The following FNDC3B variants were observed in gnomAD, a reference collection of about 807,000 sequenced individuals.
The protein encoded by FNDC3B is fibronectin type III domain-containing protein 3B.
In FNDC3B, 12 loss-of-function variants were observed where a neutral mutation model predicts 151.5. That is an observed-to-expected ratio of 0.08 (90% CI 0.05 to 0.13). The LOEUF (loss-of-function observed/expected upper bound fraction) is 0.13, where lower values mean the gene tolerates loss of function less well. Ranked by LOEUF, FNDC3B falls within the 10% of genes least tolerant of loss-of-function variation. The pLI is 1.00. For missense variants in FNDC3B, 1,214 were observed against 1,505.3 expected, an observed-to-expected ratio of 0.81 and a Z score of 3.20; for synonymous variants, 528 against 549.0, an observed-to-expected ratio of 0.96 and a Z score of 0.54.
chr3:172,146,649 T>A (rs1576907462), intron 3 of FNDC3B, among the ~76,000 whole-genome samples: 1 of 152,240 alleles, frequency 6.6e-6, no homozygotes, highest in African/African-American at 2.4e-5. Context: ...GTACAGGCTG[T>A]GTACCTGTGG....
chr3:172,176,688 T>C (rs1434870278), intron 3 of FNDC3B, among the ~76,000 whole-genome samples: 1 of 152,202 alleles, frequency 6.6e-6, no homozygotes, highest in Non-Finnish European at 1.5e-5. Flanking sequence ...CATCTGAAAC[T>C]GTAGCTTAGT....
chr3:172,389,960 T>C (rs1380800715), intron 25 of FNDC3B, among the ~76,000 whole-genome samples: 1 of 152,240 alleles, frequency 6.6e-6, no homozygotes, highest in African/African-American at 2.4e-5. Context: ...TACCAAACTG[T>C]CTCTTGCCCC....
chr3:172,259,604 AT>A (rs1262954530), intron 6 of FNDC3B, among the ~76,000 whole-genome samples: 4 of 152,082 alleles, frequency 2.6e-5, no homozygotes, highest in Admixed American at 2.0e-4. Flanking sequence ...CTTTATGATG[AT>A]TTTTTTCCCT....
chr3:172,117,535 C>A (rs1720323402), intron 2 of FNDC3B, among the ~76,000 whole-genome samples: 1 of 152,140 alleles, frequency 6.6e-6, no homozygotes, highest in Non-Finnish European at 1.5e-5. Context: ...ATAGCAGCTA[C>A]CAGTTAAACC....
chr3:172,254,374 A>G (rs770255335), intron 6 of FNDC3B, among the ~76,000 whole-genome samples: 44 of 152,024 alleles, frequency 2.9e-4, no homozygotes, highest in South Asian at 6.2e-4. Flanking sequence ...TTTTTTAATC[A>G]AACCTCCATT....
intron 6 of FNDC3B, among the ~76,000 whole-genome samples, chr3:172,274,626 A>G (rs2108808266): frequency 6.6e-6 from 1 of 152,352 alleles, no homozygotes; most frequent in East Asian, 1.9e-4. Flanking sequence ...CTGACATAAC[A>G]AAGTAGCACA....
chr3:172,217,643 AG>A, intron 3 of FNDC3B, among the ~76,000 whole-genome samples: 1 of 71,638 alleles, frequency 1.4e-5, no homozygotes, highest in African/African-American at 3.6e-5. Flanking sequence ...ATAAGTGTAT[AG>A]GGTTTTTTTT....
intron 2 of FNDC3B, among the ~76,000 whole-genome samples, chr3:172,132,165 T>C (rs1033116843): frequency 1.3e-5 from 2 of 151,988 alleles, no homozygotes; most frequent in African/African-American, 4.8e-5. Context: ...GAAGGATGAA[T>C]AGACGTTGGT....
chr3:172,206,659 C>CAAAAAA (rs57377409), intron 3 of FNDC3B, among the ~76,000 whole-genome samples: 2 of 54,512 alleles, frequency 3.7e-5, no homozygotes, highest in African/African-American at 7.1e-5. Context: ...AACTCCATCT[C>CAAAAAA]AAAAAAAAAA....
At chr3:172,041,445 CCTTCCTTCTCT>C (rs1477393001) in intron 1 of FNDC3B, among the ~76,000 whole-genome samples, 1 of 130,018 alleles carries the variant, frequency 7.7e-6, no homozygotes, top group Non-Finnish European at 1.7e-5. Context: ...TTCCTTCCTT[CCTTCCTTCTCT>C]TCTCCTCCTC....
rs539083757 is a variant in FNDC3B, at chr3:172,272,318, G to A, written c.791-13608G>A. Among the ~76,000 whole-genome samples, 371 of 152,250 alleles carry A rather than the reference G, an allele frequency of 2.4e-3. 1 individual carries two copies. Among genetic ancestry groups the A allele is most frequent in the Non-Finnish European group, 3.4e-3 (230 of 68,030 alleles). On this transcript the variant is annotated intron_variant, in intron 6 of 25. Coordinates refer to ENST00000415807, the MANE Select transcript of FNDC3B (RefSeq NM_022763.4). ...ATTGTCTGTGTAGAACACCTTTTCTGTTCCTGGGTTAGGCTATAAGGACCT... is the reference window on the plus strand; with the variant it reads ...ATTGTCTGTGTAGAACACCTTTTCTATTCCTGGGTTAGGCTATAAGGACCT...
intron 4 of FNDC3B, among the ~76,000 whole-genome samples, chr3:172,236,074 C>T (rs1454332524): frequency 6.6e-6 from 1 of 152,190 alleles, no homozygotes; most frequent in African/African-American, 2.4e-5. Flanking sequence ...TAACAGAAAG[C>T]CTGTCCCCTA....
chr3:172,219,570 AC>A (rs1726165820), intron 3 of FNDC3B, among the ~76,000 whole-genome samples: 1 of 152,276 alleles, frequency 6.6e-6, no homozygotes, highest in South Asian at 2.1e-4. Context: ...GTTTTTCATC[AC>A]CCCAAAAAGC....
intron 11 of FNDC3B, among the ~76,000 whole-genome samples, chr3:172,319,875 A>AT (rs1434695843): frequency 6.6e-6 from 1 of 152,128 alleles, no homozygotes; most frequent in African/African-American, 2.4e-5. Context: ...GTGCAACTTT[A>AT]TTTTTTATGT....
At chr3:172,364,350 T>C (rs1340115632) in intron 23 of FNDC3B, among the ~76,000 whole-genome samples, 1 of 152,220 alleles carries the variant, frequency 6.6e-6, no homozygotes, top group Non-Finnish European at 1.5e-5. Context: ...CTTCCATTGG[T>C]GGTAAATCCT....
At chr3:172,349,294 T>G (rs957210847) in intron 21 of FNDC3B, among the ~76,000 whole-genome samples, 9 of 152,058 alleles carry the variant, frequency 5.9e-5, no homozygotes, top group Admixed American at 3.3e-4. Context: ...AAATAAAAAT[T>G]TATTATAATA....
chr3:172,305,291 T>A (rs1279892040), intron 9 of FNDC3B, among the ~76,000 whole-genome samples: 1 of 152,252 alleles, frequency 6.6e-6, no homozygotes, highest in Non-Finnish European at 1.5e-5. Flanking sequence ...TAGTTTGTTG[T>A]AATTGGAATT....
chr3:172,352,882 C>G lies in FNDC3B; in HGVS notation c.2594C>G (p.Ser865Cys). 1 of 1,614,212 alleles carries G rather than the reference C, an allele frequency of 6.2e-7. No homozygotes were observed. The highest frequency in any genetic ancestry group is 8.5e-7 in the Non-Finnish European group (1 of 1,180,024). ...CCAGCGTCTGCCCCTGACCCCGTCT[C>G]CACTCTCTGTGTCCTGGAGGAGGAG... The part of the protein sequence containing the change: ...QTPASAPDPV[S>C]TLCVLEEEPL... The change falls in exon 22 of 26, where the codon TCC becomes TGC. Residue 865 changes from serine to cysteine, a missense_variant. Transcript: ENST00000415807. This position sits in a 1 kb window ranked among gnomAD's most constrained non-coding sequence, Gnocchi z 4.2.
intron 2 of FNDC3B, among the ~76,000 whole-genome samples, chr3:172,119,930 T>TA (rs1163319712): frequency 2.0e-5 from 3 of 151,832 alleles, no homozygotes; most frequent in East Asian, 3.9e-4. Flanking sequence ...CTTTTAACTA[T>TA]AAAAAAAAGG....
Sources: allele counts gnomAD v4.1 joint callset (sites outside exome capture counted in the v4.1 genomes callset), GRCh38; gene constraint gnomAD v4.1.1; non-coding constraint Gnocchi (gnomAD v3.1); transcripts MANE v1.5; gene names NCBI Gene and HGNC (gene_info 2026-07-23, HGNC 2026-07-21).